Variants in CACNA2D3 observed in about 807,000 individuals in gnomAD.
CACNA2D3 encodes voltage-dependent calcium channel subunit alpha-2/delta-3.
In CACNA2D3, 60 loss-of-function variants were observed where a neutral mutation model predicts 160.6. The ratio of observed to expected loss-of-function variants is 0.37; its 90% CI spans 0.30 to 0.46. The LOEUF is 0.46. Among genes scored for constraint, CACNA2D3 ranks in the 20% least tolerant of loss-of-function variants. The probability of loss-of-function intolerance (pLI) is 1.00; values close to 1 mark genes in which losing one functional copy is unlikely to be tolerated. For synonymous variants in CACNA2D3, 558 were observed against 492.9 expected (o/e 1.13, Z -1.75); for missense variants, 1,205 against 1,365.0 (o/e 0.88, Z 1.85).
chr3:54,429,960 C>G (rs551532793), intron 4 of CACNA2D3, among the ~76,000 whole-genome samples: 119 of 152,274 alleles, frequency 7.8e-4, no homozygotes, highest in African/African-American at 2.7e-3. Context: ...TGATGATAAT[C>G]TGACAATCTG....
At chr3:54,629,461 C>T (rs1309726704) in intron 10 of CACNA2D3, among the ~76,000 whole-genome samples, 1 of 152,110 alleles carries the variant, frequency 6.6e-6, no homozygotes, top group Non-Finnish European at 1.5e-5. Flanking sequence ...CAGTCCTGAG[C>T]CAGTGTCATG....
intron 2 of CACNA2D3, among the ~76,000 whole-genome samples, chr3:54,138,521 G>A (rs551099428): frequency 6.6e-6 from 1 of 152,218 alleles, no homozygotes; most frequent in African/African-American, 2.4e-5. Flanking sequence ...GTTTGTTATT[G>A]TACTTGCTGG....
chr3:54,734,684 T>C lies in CACNA2D3; in HGVS notation c.1168-17915T>C, dbSNP rs572136221. ...ACAAAGACCATCTGACTTTGCTACA[T>C]TGTCTTCCAGTTGCCAGTTATTACA... On this transcript the variant is annotated intron_variant, in intron 11 of 37. Coordinates refer to ENST00000474759, the MANE Select transcript of CACNA2D3 (RefSeq NM_018398.3). Among the ~76,000 whole-genome samples the C allele has an allele frequency of 2.6e-5, 4 of 152,340 alleles. No individual in the cohort carries two copies. In the South Asian group the frequency reaches 6.2e-4, roughly 24 times the overall value.
intron 35 of CACNA2D3, among the ~76,000 whole-genome samples, chr3:55,022,707 T>A (rs1046947414): frequency 2.0e-5 from 3 of 148,722 alleles, no homozygotes; most frequent in Non-Finnish European, 3.0e-5. Flanking sequence ...GGTTTTTCTA[T>A]TCCTTTTTTT....
chr3:54,123,311 C>CA, intron 1 of CACNA2D3: 1 of 587,622 alleles, frequency 1.7e-6, no homozygotes, highest in Non-Finnish European at 3.0e-6. Context: ...CCGCGACCCC[C>CA]CTCGGGCCCC....
chr3:54,748,582 T>C (rs1187560000), intron 11 of CACNA2D3, among the ~76,000 whole-genome samples: 3 of 151,920 alleles, frequency 2.0e-5, no homozygotes, highest in Non-Finnish European at 4.4e-5. Flanking sequence ...TTTTTTTTTT[T>C]CACCCCTGCC....
intron 4 of CACNA2D3, among the ~76,000 whole-genome samples, chr3:54,468,766 G>C (rs1178559932): frequency 6.6e-6 from 1 of 152,160 alleles, no homozygotes; most frequent in Non-Finnish European, 1.5e-5. Context: ...CCATTACTGA[G>C]GCTTGAGTAG....
intron 23 of CACNA2D3, among the ~76,000 whole-genome samples, chr3:54,886,919 G>A (rs990781659): frequency 3.7e-5 from 4 of 108,698 alleles, no homozygotes; most frequent in African/African-American, 7.1e-5. Context: ...TCTAGCTTTC[G>A]CTTTTCAGCA....
intron 2 of CACNA2D3, among the ~76,000 whole-genome samples, chr3:54,134,037 AT>A (rs1329568376): frequency 6.6e-6 from 1 of 152,074 alleles, no homozygotes; most frequent in Non-Finnish European, 1.5e-5. Flanking sequence ...TGTTTTTGTT[AT>A]TCCTATTCTT....
At chr3:54,677,592 G>T (rs1700265887) in intron 11 of CACNA2D3, among the ~76,000 whole-genome samples, 1 of 142,030 alleles carries the variant, frequency 7.0e-6, no homozygotes, top group Non-Finnish European at 1.5e-5. Context: ...TTAAAACAAT[G>T]ATATTTGAAT....
chr3:54,149,932 C>CTCTCCCTCCCTCT (rs1559863353), intron 2 of CACNA2D3, among the ~76,000 whole-genome samples: 17 of 23,834 alleles, frequency 7.1e-4, no homozygotes, highest in Non-Finnish European at 1.3e-3. Context: ...TCTCTCTCTC[C>CTCTCCCTCCCTCT]CTCCCTCCCT....
chr3:54,274,515 A>G (rs1182838747), intron 2 of CACNA2D3, among the ~76,000 whole-genome samples: 7 of 152,168 alleles, frequency 4.6e-5, no homozygotes, highest in East Asian at 1.9e-4. Flanking sequence ...GGGTCATTGT[A>G]TTAGTTATCT....
intron 25 of CACNA2D3, among the ~76,000 whole-genome samples, chr3:54,893,747 G>A (rs34668751): frequency 0.28 from 42,938 of 151,834 alleles, 6,374 homozygotes; most frequent in African/African-American, 0.35. Context: ...GAAGTAGGTC[G>A]ATTATACTGA....
At chr3:54,220,376 A>C (rs1701545107) in intron 2 of CACNA2D3, among the ~76,000 whole-genome samples, 1 of 152,230 alleles carries the variant, frequency 6.6e-6, no homozygotes, top group East Asian at 1.9e-4. Flanking sequence ...TCAAAAAATG[A>C]AAACTGACCA....
At chr3:54,663,306 G>T (rs1700004227) in intron 11 of CACNA2D3, among the ~76,000 whole-genome samples, 1 of 152,186 alleles carries the variant, frequency 6.6e-6, no homozygotes, top group Admixed American at 6.5e-5. Context: ...AGGGGGTTTG[G>T]CTTGTTTTAG....
chr3:54,145,298 G>A (rs7639142), intron 2 of CACNA2D3, among the ~76,000 whole-genome samples: 27,862 of 152,236 alleles, frequency 0.18, 2,742 homozygotes, highest in Middle Eastern at 0.28. Context: ...TTGCAGATGC[G>A]AAGTTGCGCT....
chr3:54,625,898 G>A (rs1338252000), intron 9 of CACNA2D3, among the ~76,000 whole-genome samples: 2 of 152,190 alleles, frequency 1.3e-5, no homozygotes, highest in Non-Finnish European at 2.9e-5. Flanking sequence ...CCTAAGCAGT[G>A]TGGCCAATTA....
intron 9 of CACNA2D3, among the ~76,000 whole-genome samples, chr3:54,596,630 G>A (rs986343729): frequency 6.6e-6 from 1 of 151,910 alleles, no homozygotes; most frequent in African/African-American, 2.4e-5. Context: ...CTCATCTCTT[G>A]CTAGTATGAC....
At chr3:54,856,532 C>A (rs1027302518) in intron 17 of CACNA2D3, among the ~76,000 whole-genome samples, 21 of 152,164 alleles carry the variant, frequency 1.4e-4, no homozygotes, top group Non-Finnish European at 2.8e-4. Context: ...ATGTGGCAGA[C>A]ACCCTATTAG....
Sources: gnomAD v4.1 joint callset for allele counts (sites outside exome capture counted in the v4.1 genomes callset) on GRCh38, gnomAD v4.1.1 for gene constraint, MANE v1.5 for transcripts, NCBI Gene and HGNC (gene_info 2026-07-23, HGNC 2026-07-21) for gene names.